Variants in PPFIA2 observed in about 807,000 individuals in gnomAD.
The protein encoded by PPFIA2 is PPFI scaffold protein A2, also known as liprin-alpha-2.
Under a neutral mutation model 175.5 loss-of-function variants are expected in PPFIA2, and 46 were observed. That is an observed-to-expected ratio of 0.26 (90% CI 0.21 to 0.34). The LOEUF is 0.34. PPFIA2 is among the 10% of genes least tolerant of loss of function. The pLI is 1.00. For missense variants in PPFIA2, 1,179 were observed against 1,506.1 expected (o/e 0.78, Z 3.60); for synonymous variants, 568 against 511.4 (o/e 1.11, Z -1.49).
chr12:81,369,403 T>C (rs1595697800), intron 11 of PPFIA2: 2 of 1,400,554 alleles, frequency 1.4e-6, no homozygotes, highest in East Asian at 3.0e-5. Context: ...CAGCAAAACA[T>C]TGGAGTTATT....
At chr12:81,482,028 C>G (rs1263649529) in intron 4 of PPFIA2, among the ~76,000 whole-genome samples, 2 of 152,064 alleles carry the variant, frequency 1.3e-5, no homozygotes, top group African/African-American at 4.8e-5. Context: ...CTACAAAGAA[C>G]TTAAACAAAT....
intron 4 of PPFIA2, among the ~76,000 whole-genome samples, chr12:81,531,273 C>T (rs2064515631): frequency 6.6e-6 from 1 of 151,816 alleles, no homozygotes; most frequent in Admixed American, 6.6e-5. Flanking sequence ...TTCAATGTGG[C>T]ACTACATATT....
chr12:81,480,342 A>G (rs1182647118), intron 4 of PPFIA2, among the ~76,000 whole-genome samples: 2 of 151,706 alleles, frequency 1.3e-5, no homozygotes, highest in South Asian at 2.1e-4. Context: ...GCTTCCTTGT[A>G]TGGGGTTGGA....
intron 4 of PPFIA2, among the ~76,000 whole-genome samples, chr12:81,596,173 C>G (rs2059224483): frequency 6.6e-6 from 1 of 151,238 alleles, no homozygotes; most frequent in Non-Finnish European, 1.5e-5. Flanking sequence ...ATATATAATT[C>G]TAATAATCAT....
At chr12:81,658,825 A>G (rs1264667616) in intron 4 of PPFIA2, among the ~76,000 whole-genome samples, 1 of 152,138 alleles carries the variant, frequency 6.6e-6, no homozygotes, top group Non-Finnish European at 1.5e-5. Flanking sequence ...AAAAAGAACA[A>G]AATACAAACA....
chr12:81,402,552 C>T (rs1307900380), intron 8 of PPFIA2, among the ~76,000 whole-genome samples: 1 of 151,922 alleles, frequency 6.6e-6, no homozygotes. Context: ...CAAGAAATGT[C>T]AGGTAAAAAA....
At chr12:81,436,835 TA>T (rs879376099) in intron 7 of PPFIA2, among the ~76,000 whole-genome samples, 1 of 152,230 alleles carries the variant, frequency 6.6e-6, no homozygotes, top group Non-Finnish European at 1.5e-5. Context: ...TGTGAATTTC[TA>T]AATAGGGATT....
At chr12:81,644,216 G>A (rs1375898060) in intron 4 of PPFIA2, among the ~76,000 whole-genome samples, 1 of 151,868 alleles carries the variant, frequency 6.6e-6, no homozygotes. Context: ...CTATACCTCA[G>A]TATGGGTAAA....
intron 22 of PPFIA2, among the ~76,000 whole-genome samples, chr12:81,311,697 C>CA (rs2050873663): frequency 7.0e-6 from 1 of 143,058 alleles, no homozygotes; most frequent in Non-Finnish European, 1.5e-5. Context: ...CGCGCCACTG[C>CA]ACTCCAGCCT....
In PPFIA2 at chr12:81,746,677, T is replaced by C. The variant is rs990976909; in HGVS notation, c.249+7296A>G. ...AATAGCCAGCTTAGAGGAAAAGTAA[T>C]TGAAGACACTAGAGACAGAGGGAAA... On this transcript the variant is annotated intron_variant, in intron 3 of 32. Coordinates refer to ENST00000549396, the MANE Select transcript of PPFIA2 (RefSeq NM_003625.5). 6.3e-5 allele frequency among the ~76,000 whole-genome samples: 9 copies of C among 143,940 alleles called. 1 individual carries two copies. The highest frequency in any genetic ancestry group is 1.6e-5 in the Non-Finnish European group (1 of 64,194). 94.4% of individuals were successfully genotyped at this position (143,940 alleles called of 152,430 possible). A position where few individuals can be genotyped will look rare whatever the true frequency, so the allele number is the denominator to read the frequency against.
At chr12:81,735,996 A>T (rs2081526777) in intron 3 of PPFIA2, among the ~76,000 whole-genome samples, 2 of 151,878 alleles carry the variant, frequency 1.3e-5, no homozygotes, top group Non-Finnish European at 2.9e-5. Context: ...AAATCAGTAA[A>T]TGTTAAATTC....
chr12:81,455,608 C>T (rs748440457), intron 5 of PPFIA2, among the ~76,000 whole-genome samples: 20 of 152,090 alleles, frequency 1.3e-4, no homozygotes, highest in Non-Finnish European at 2.2e-4. Flanking sequence ...ACAATAGCCT[C>T]GGGTATTTCT....
At position 81,390,089 on chromosome 12, in the gene PPFIA2, C is replaced by T. The variant is rs150947581; in HGVS notation, c.763-5845G>A. On this transcript the variant is annotated intron_variant, in intron 8 of 32. Transcript: ENST00000549396. ...CACTGAGCATGATGTTTTTGAATTT[C>T]GTTCAAGTACCGTAGCATGTTATCC... is the stretch of plus-strand genomic sequence containing the variant. Among the ~76,000 whole-genome samples the T allele has an allele frequency of 3.0e-3, 461 of 152,102 alleles. 8 individuals carry two copies. Among genetic ancestry groups the T allele is most frequent in the African/African-American group, 0.01 (430 of 41,522 alleles).
At chr12:81,487,803 G>T (rs1003180808) in intron 4 of PPFIA2, among the ~76,000 whole-genome samples, 1 of 151,678 alleles carries the variant, frequency 6.6e-6, no homozygotes, top group Non-Finnish European at 1.5e-5. Context: ...TGTGATATCT[G>T]AAAAAGCTGA....
Position 81,623,788 on chromosome 12 carries a change from G to C in PPFIA2, c.303+53003C>G, listed in dbSNP as rs140040582. Among the ~76,000 whole-genome samples the C allele has an allele frequency of 2.6e-4, 39 of 151,974 alleles. 1 individual carries two copies. The East Asian group carries it at 7.5e-3, about 29-fold the overall frequency. ...TCCACCTAAGATATAGTGAAAGTAA[G>C]AGCATGATACTGGGGTCAAAAAGGG... On this transcript the variant is annotated intron_variant, in intron 4 of 32. Transcript: ENST00000549396.
intron 7 of PPFIA2, among the ~76,000 whole-genome samples, chr12:81,417,813 A>ATGAGATTTACAGAGAATAG (rs2045575790): frequency 6.6e-6 from 1 of 151,818 alleles, no homozygotes; most frequent in Non-Finnish European, 1.5e-5. Flanking sequence ...AATAAAGAAA[A>ATGAGATTTACAGAGAATAG]TGAGATTTAC....
rs148128604 is a variant in PPFIA2 at position 81,672,508 on chromosome 12, T to C, written c.303+4283A>G. The stretch of plus-strand genomic sequence containing the variant: ...TGGGGAAAAAAAACCTAATAGAGCT[T>C]AAGAATGTTCAGGACAGTGTGCATA... On this transcript the variant is annotated intron_variant, in intron 4 of 32. Transcript: ENST00000549396. Among the ~76,000 whole-genome samples, 367 of 151,952 alleles carry C rather than the reference T, an allele frequency of 2.4e-3. 1 individual carries two copies. Among genetic ancestry groups the C allele is most frequent in the African/African-American group, 8.6e-3 (357 of 41,492 alleles).
intron 4 of PPFIA2, among the ~76,000 whole-genome samples, chr12:81,460,066 C>A (rs1311988871): frequency 1.3e-5 from 2 of 151,970 alleles, no homozygotes; most frequent in Non-Finnish European, 2.9e-5. Flanking sequence ...TTTAGAGGTA[C>A]CCTTTTTCCT....
chr12:81,409,637 T>A (rs1226013955), intron 7 of PPFIA2, among the ~76,000 whole-genome samples: 1 of 152,122 alleles, frequency 6.6e-6, no homozygotes, highest in Non-Finnish European at 1.5e-5. Flanking sequence ...CAGAAATAAA[T>A]TTATTTTCTT....
Sources: allele counts gnomAD v4.1 joint callset (sites outside exome capture counted in the v4.1 genomes callset), GRCh38; gene constraint gnomAD v4.1.1; transcripts MANE v1.5; gene names NCBI Gene and HGNC (gene_info 2026-07-23, HGNC 2026-07-21).